Variants in THADA observed in about 807,000 individuals in gnomAD.
THADA encodes the protein tRNA (32-2'-O)-methyltransferase regulator THADA.
THADA carries 213 observed loss-of-function variants against 219.8 expected under a neutral mutation model. The ratio of observed to expected loss-of-function variants is 0.97; its 90% confidence interval spans 0.87 to 1.09. THADA has a LOEUF of 1.09. Ranked by LOEUF, THADA falls within the 50% of genes least tolerant of loss-of-function variation. The pLI is 0.00. For missense variants in THADA, 2,956 were observed against 2,311.3 expected, an observed-to-expected ratio of 1.28 and a Z score of -5.72; for synonymous variants, 1,018 against 828.9, an observed-to-expected ratio of 1.23 and a Z score of -3.92.
chr2:43,296,573 G>C (rs1279967664), intron 31 of THADA, among the ~76,000 whole-genome samples: 1 of 152,184 alleles, frequency 6.6e-6, no homozygotes, highest in East Asian at 1.9e-4. Flanking sequence ...ACTGAGCCCA[G>C]CCAGGCAGTA....
At chr2:43,485,013 T>C (rs1361074878) in intron 26 of THADA, among the ~76,000 whole-genome samples, 2 of 152,000 alleles carry the variant, frequency 1.3e-5, no homozygotes, top group East Asian at 3.9e-4. Context: ...CCTTGCTACC[T>C]TGCTAAATTT....
intron 29 of THADA, among the ~76,000 whole-genome samples, chr2:43,388,723 G>A (rs760980918): frequency 1.3e-5 from 2 of 152,108 alleles, no homozygotes; most frequent in African/African-American, 4.8e-5. Context: ...GTGACTGACC[G>A]GAGGAACCTC....
intron 29 of THADA, among the ~76,000 whole-genome samples, chr2:43,390,597 GCAA>G (rs1196473706): frequency 6.6e-6 from 1 of 152,048 alleles, no homozygotes; most frequent in East Asian, 1.9e-4. Flanking sequence ...TTTGTCCGCA[GCAA>G]CGATTACCTT....
intron 4 of THADA, 22 bp downstream of exon 4, chr2:43,590,802 C>T (rs575591403): frequency 6.2e-7 from 1 of 1,603,068 alleles, no homozygotes; most frequent in Non-Finnish European, 8.5e-7. Flanking sequence ...TAACACCCAA[C>T]TTCCCTTCCT....
At chr2:43,485,968 C>T (rs892927131) in intron 25 of THADA, among the ~76,000 whole-genome samples, 4 of 151,768 alleles carry the variant, frequency 2.6e-5, no homozygotes, top group Admixed American at 1.3e-4. Flanking sequence ...CCTATAGTCC[C>T]AGGTAGTCAG....
chr2:43,413,906 G>C (rs1676625347), intron 28 of THADA, among the ~76,000 whole-genome samples: 1 of 152,182 alleles, frequency 6.6e-6, no homozygotes, highest in South Asian at 2.1e-4. Flanking sequence ...ATCCTCAAAG[G>C]ATTGGTTCTA....
chr2:43,231,683 G>A (rs1667439101), intron 37 of THADA, among the ~76,000 whole-genome samples: 1 of 152,268 alleles, frequency 6.6e-6, no homozygotes, highest in African/African-American at 2.4e-5. Flanking sequence ...AGAGTTTAAG[G>A]TGCAGCTGGA....
intron 26 of THADA, among the ~76,000 whole-genome samples, chr2:43,455,540 AC>A (rs1340655916): frequency 6.6e-6 from 1 of 151,982 alleles, no homozygotes; most frequent in African/African-American, 2.4e-5. Context: ...ACACACACAC[AC>A]AAACACACAC....
intron 10 of THADA, 145 bp downstream of exon 10, chr2:43,576,877 A>G: frequency 1.4e-6 from 1 of 705,188 alleles, no homozygotes; most frequent in Non-Finnish European, 2.4e-6. Context: ...CTGGTTTTGA[A>G]CTCCTGGCCT....
chr2:43,312,111 CAG>C (rs991948015), intron 31 of THADA, among the ~76,000 whole-genome samples: 1 of 151,560 alleles, frequency 6.6e-6, no homozygotes, highest in Non-Finnish European at 1.5e-5. Context: ...CCCAGCTACT[CAG>C]GAGGCTGAGG....
At chr2:43,301,028 A>G (rs986644899) in intron 31 of THADA, among the ~76,000 whole-genome samples, 2 of 152,202 alleles carry the variant, frequency 1.3e-5, no homozygotes, top group African/African-American at 4.8e-5. Context: ...TATTAAAACC[A>G]CACATGCCTG....
intron 26 of THADA, among the ~76,000 whole-genome samples, chr2:43,471,284 G>C (rs1265983698): frequency 6.6e-6 from 1 of 152,168 alleles, no homozygotes; most frequent in Non-Finnish European, 1.5e-5. Flanking sequence ...CCAGCACTTT[G>C]GGAGACCGAG....
At chr2:43,257,753 G>A (rs1402180544) in intron 36 of THADA, among the ~76,000 whole-genome samples, 1 of 152,138 alleles carries the variant, frequency 6.6e-6, no homozygotes, top group Non-Finnish European at 1.5e-5. Context: ...ATTACAGCAA[G>A]GAACATAAAA....
intron 28 of THADA, among the ~76,000 whole-genome samples, chr2:43,401,940 T>C (rs1446956607): frequency 7.2e-6 from 1 of 139,752 alleles, no homozygotes; most frequent in Non-Finnish European, 1.6e-5. Flanking sequence ...TTTTTTGTTG[T>C]TTTTTTTTTT....
chr2:43,291,454 C>CAAAAAAAAAAAAAAAAAAAA (rs765352765), intron 34 of THADA, among the ~76,000 whole-genome samples: 40 of 8,086 alleles, frequency 4.9e-3, no homozygotes, highest in Admixed American at 9.5e-3. Flanking sequence ...AACTCCATCT[C>CAAAAAAAAAAAAAAAAAAAA]AAAAAAAAAA....
At chr2:43,349,583 G>A (rs1289160091) in intron 29 of THADA, among the ~76,000 whole-genome samples, 9 of 152,126 alleles carry the variant, frequency 5.9e-5, no homozygotes, top group African/African-American at 2.2e-4. Flanking sequence ...CACCAAGCAT[G>A]GCTTCCAGGC....
chr2:43,374,568 A>G (rs1477925894), intron 29 of THADA, among the ~76,000 whole-genome samples: 1 of 152,232 alleles, frequency 6.6e-6, no homozygotes, highest in Non-Finnish European at 1.5e-5. Context: ...TATAACCAAT[A>G]AAAGTACCCA....
At chr2:43,498,507 G>T (rs1043238112) in intron 25 of THADA, among the ~76,000 whole-genome samples, 1 of 151,972 alleles carries the variant, frequency 6.6e-6, no homozygotes, top group Non-Finnish European at 1.5e-5. Context: ...AAACAGAAGT[G>T]CACTATTATT....
At chr2:43,296,343 T>C (rs1572957906) in intron 31 of THADA, among the ~76,000 whole-genome samples, 2 of 152,068 alleles carry the variant, frequency 1.3e-5, no homozygotes, top group African/African-American at 4.8e-5. Flanking sequence ...TGGCACAATA[T>C]TGGCTCACTG....
Sources: allele counts gnomAD v4.1 joint callset (sites outside exome capture counted in the v4.1 genomes callset), GRCh38; gene constraint gnomAD v4.1.1; transcripts MANE v1.5; gene names NCBI Gene and HGNC (gene_info 2026-07-23, HGNC 2026-07-21).